OVCH1: variants seen among roughly 807,000 people sequenced by gnomAD.
OVCH1 encodes ovochymase 1, also known as ovochymase-1.
In OVCH1, 139 loss-of-function variants were observed where a neutral mutation model predicts 138.4. The observed-to-expected ratio is 1.00, with a 90% CI of 0.87 to 1.16. OVCH1 has a LOEUF of 1.16. Ranked by LOEUF, OVCH1 falls within the 50% of genes most tolerant of loss-of-function variation. The pLI is 0.00. For missense variants in OVCH1, 1,367 were observed against 1,357.9 expected (o/e 1.01, Z -0.11); for synonymous variants, 453 against 467.8 (o/e 0.97, Z 0.41).
chr12:29,454,131 A>T lies in OVCH1; in HGVS notation c.2530+710T>A, dbSNP rs1394845676. On this transcript the variant is annotated intron_variant, in intron 21 of 27. Coordinates refer to ENST00000318184, the Ensembl canonical transcript of OVCH1. ...CCTGCCTTCCATCAGTTAACTATAG[A>T]TGATATGTACTTTGCTCCTAAGACC... Among the ~76,000 whole-genome samples the T allele has an allele frequency of 2.6e-5, 4 of 150,952 alleles. No individual in the cohort carries two copies. The South Asian group carries it at 8.3e-4, about 31-fold the overall frequency.
chr12:29,421,604 C>G (rs567932362), intron 3 of OVCH1, among the ~76,000 whole-genome samples: 35 of 152,048 alleles, frequency 2.3e-4, no homozygotes, highest in South Asian at 2.1e-4. Flanking sequence ...TCCAGTGTAA[C>G]AGATATCTAG....
chr12:29,440,250 C>T (rs78385337), intron 25 of OVCH1, among the ~76,000 whole-genome samples: 4,117 of 152,122 alleles, frequency 0.027, 173 homozygotes, highest in African/African-American at 0.09. Flanking sequence ...GAAATAGAGT[C>T]ATAAAACTTT....
intron 4 of OVCH1, 43 bp from the exon 5 acceptor site, chr12:29,491,235 C>T: frequency 6.9e-7 from 1 of 1,450,434 alleles, no homozygotes; most frequent in African/African-American, 1.4e-5. Flanking sequence ...ATAAATACGC[C>T]ATGTTGAATA....
chr12:29,439,405 G>A (rs1482388149), exon 26 of OVCH1: 2 of 1,533,842 alleles, frequency 1.3e-6, no homozygotes, highest in Admixed American at 2.0e-5. Context: ...TCTTTTGTCA[G>A]TATCATTGCC....
intron 26 of OVCH1, chr12:29,433,824 G>C: frequency 7.3e-7 from 1 of 1,375,838 alleles, no homozygotes; most frequent in Non-Finnish European, 9.7e-7. Flanking sequence ...CTAAAATTAA[G>C]TAAAATGTTT....
rs1028637572 is a variant in OVCH1 at position 29,433,750 on chromosome 12, C to T, written c.3327+1G>A. The stretch of plus-strand genomic sequence containing the variant: ...ATGTTAGTCCCTTATGATATACTTA[C>T]ATAACTTAAATTTGATGCAAATTTC... On this transcript the variant is annotated splice_donor_variant, in intron 27 of 27. Transcript: ENST00000318184. LOFTEE classifies it high-confidence loss of function. The T allele has an allele frequency of 3.5e-6, 5 of 1,425,394 alleles. No individual in the cohort carries two copies. The African/African-American group carries it at 7.2e-5, about 21-fold the overall frequency. The allele number at this position is 1,425,394 out of a possible 1,614,324, so 88.3% of individuals were successfully genotyped here. A position where few individuals can be genotyped will look rare whatever the true frequency, so the allele number is the denominator to read the frequency against.
chr12:29,477,758 T>C (rs1476763830), intron 9 of OVCH1, among the ~76,000 whole-genome samples: 1 of 152,182 alleles, frequency 6.6e-6, no homozygotes, highest in Non-Finnish European at 1.5e-5. Context: ...CCACTGGAAA[T>C]AAGAGCTACC....
chr12:29,430,026 G>A (rs1267155050), intron 27 of OVCH1, among the ~76,000 whole-genome samples: 1 of 152,076 alleles, frequency 6.6e-6, no homozygotes, highest in African/African-American at 2.4e-5. Flanking sequence ...GTCACACCAC[G>A]TCTACATTTC....
chr12:29,443,637 TGAGA>T (rs764183366), intron 24 of OVCH1, 137 bp from the exon 25 acceptor site: 42 of 899,844 alleles, frequency 4.7e-5, no homozygotes, highest in Middle Eastern at 3.6e-4. Context: ...CTTATGGTTG[TGAGA>T]GAGAAAGATT....
intron 22 of OVCH1, among the ~76,000 whole-genome samples, chr12:29,450,375 C>G (rs960581232): frequency 2.6e-5 from 4 of 152,110 alleles, no homozygotes; most frequent in African/African-American, 7.2e-5. Context: ...AGACATTTCT[C>G]AAAAGAAGAC....
At chr12:29,470,288 C>T (rs1565593835) in intron 16 of OVCH1, among the ~76,000 whole-genome samples, 1 of 152,216 alleles carries the variant, frequency 6.6e-6, no homozygotes, top group East Asian at 1.9e-4. Context: ...TATAGGTATA[C>T]ATCTGCCACA....
At chr12:29,493,124 T>C (rs1592121038) in intron 4 of OVCH1, among the ~76,000 whole-genome samples, 1 of 152,268 alleles carries the variant, frequency 6.6e-6, no homozygotes, top group Middle Eastern at 3.4e-3. Flanking sequence ...GGAAACGAAA[T>C]TGACATAACT....
the OVCH1 span, among the ~76,000 whole-genome samples, chr12:29,405,882 G>A: frequency 3.3e-5 from 5 of 152,162 alleles, no homozygotes; most frequent in African/African-American, 9.7e-5. Flanking sequence ...CAATGGAAAC[G>A]ACATTCTGAT....
chr12:29,437,281 A>G (rs1026973615), intron 26 of OVCH1, among the ~76,000 whole-genome samples: 1 of 152,178 alleles, frequency 6.6e-6, no homozygotes, highest in Non-Finnish European at 1.5e-5. Flanking sequence ...TTAATTTGTC[A>G]TTTTTAAAAG....
chr12:29,423,052 A>G (rs1941126856), downstream of OVCH1: 4 of 335,792 alleles, frequency 1.2e-5, no homozygotes, highest in South Asian at 9.6e-5. Context: ...TGACCCTTAA[A>G]CCAATGGGCT....
exon 16 of OVCH1, chr12:29,471,909 G>A (rs929481308): frequency 6.2e-7 from 1 of 1,613,496 alleles, no homozygotes; most frequent in East Asian, 2.2e-5. Context: ...GCCAACAGTG[G>A]GGGCAGGCTT....
intron 3 of OVCH1, among the ~76,000 whole-genome samples, chr12:29,416,078 CAAAAA>C: frequency 6.9e-6 from 1 of 145,846 alleles, no homozygotes; most frequent in South Asian, 2.2e-4. Flanking sequence ...ACAAAAAAAG[CAAAAA>C]AAAAAGGAAA....
chr12:29,480,530 GAAGTCTGGTCAAGCT>G (rs1942896403), intron 8 of OVCH1, among the ~76,000 whole-genome samples: 1 of 152,196 alleles, frequency 6.6e-6, no homozygotes, highest in South Asian at 2.1e-4. Context: ...AGAGGATTTT[GAAGTCTGGTCAAGCT>G]AAGTGAGAGA....
At chr12:29,424,648 T>G (rs961923036), downstream of OVCH1, among the ~76,000 whole-genome samples, 2 of 152,194 alleles carry the variant, frequency 1.3e-5, no homozygotes, top group African/African-American at 4.8e-5. Flanking sequence ...CTATCCCTTA[T>G]TAACTATATG....
Sources: allele counts gnomAD v4.1 joint callset (sites outside exome capture counted in the v4.1 genomes callset), GRCh38; gene constraint gnomAD v4.1.1; transcripts MANE v1.5; gene names NCBI Gene and HGNC (gene_info 2026-07-23, HGNC 2026-07-21).